The following FHIP2A variants were observed in gnomAD, a reference collection of about 807,000 sequenced individuals.
FHIP2A encodes the protein family with sequence similarity 160 member B1.
Under a neutral mutation model 93.5 loss-of-function variants are expected in FHIP2A, and 46 were observed. The ratio of observed to expected loss-of-function variants is 0.49; its 90% CI spans 0.39 to 0.63. The LOEUF is 0.63. Among genes scored for constraint, FHIP2A ranks in the 20% least tolerant of loss-of-function variants. The pLI is 0.00. For synonymous variants in FHIP2A, 332 were observed against 326.5 expected, an observed-to-expected ratio of 1.02 and a Z score of -0.18; for missense variants, 769 against 909.7, an observed-to-expected ratio of 0.85 and a Z score of 1.99.
chr10:114,854,406 C>A (rs983694864), intron 13 of FHIP2A, among the ~76,000 whole-genome samples: 1 of 151,906 alleles, frequency 6.6e-6, no homozygotes, highest in Non-Finnish European at 1.5e-5. Flanking sequence ...GCAGGAGAAT[C>A]GCTTGAACCT....
chr10:114,848,124 T>C (rs938541952), intron 12 of FHIP2A, among the ~76,000 whole-genome samples: 23 of 152,192 alleles, frequency 1.5e-4, no homozygotes, highest in Admixed American at 1.3e-4. Context: ...AAGTGCCCTT[T>C]TCTGTGGCAA....
At chr10:114,875,459 T>G (rs982891462) in intron 16 of FHIP2A, among the ~76,000 whole-genome samples, 2 of 151,962 alleles carry the variant, frequency 1.3e-5, no homozygotes, top group African/African-American at 4.8e-5. Flanking sequence ...TTTGGCAGGC[T>G]GGGGAAGGGT....
chr10:114,833,712 G>A (rs2083621555), intron 3 of FHIP2A, among the ~76,000 whole-genome samples: 2 of 152,130 alleles, frequency 1.3e-5, no homozygotes, highest in Admixed American at 6.5e-5. Flanking sequence ...AGTTAAAATA[G>A]GATTGAAAAA....
intron 16 of FHIP2A, among the ~76,000 whole-genome samples, chr10:114,870,565 T>G (rs972606512): frequency 6.6e-6 from 1 of 152,104 alleles, no homozygotes; most frequent in African/African-American, 2.4e-5. Context: ...CATAAAACAC[T>G]GTAATTGAGT....
In FHIP2A at chr10:114,850,700, CA is replaced by C. The variant is rs1264498811; in HGVS notation, c.1803+1969del. Among the ~76,000 whole-genome samples the C allele has an allele frequency of 3.3e-5, 5 of 151,710 alleles. No individual in the cohort carries two copies. The East Asian group carries it at 9.7e-4, about 29-fold the overall frequency. ...GGGCAACAGAGCAAGACCCTGTCTC[CA>C]AAAAATAAAAAAAATTCCTTTGCCT... On this transcript the variant is annotated intron_variant, in intron 13 of 16. Transcript: ENST00000369248.
intron 12 of FHIP2A, among the ~76,000 whole-genome samples, chr10:114,847,659 T>G (rs910679675): frequency 1.3e-5 from 2 of 152,138 alleles, no homozygotes; most frequent in Non-Finnish European, 1.5e-5. Context: ...ATGTAACAAG[T>G]GCCAGGCTGC....
At chr10:114,840,116 C>T (rs911112722) in intron 5 of FHIP2A, among the ~76,000 whole-genome samples, 5 of 151,932 alleles carry the variant, frequency 3.3e-5, no homozygotes, top group South Asian at 2.1e-4. Flanking sequence ...AGGCTGGGCG[C>T]GGTGATTCAC....
chr10:114,857,262 A>T (rs2083772173), intron 14 of FHIP2A, among the ~76,000 whole-genome samples: 1 of 150,598 alleles, frequency 6.6e-6, no homozygotes, highest in Admixed American at 6.6e-5. Context: ...TTTTGCCGGA[A>T]GTGATACTTG....
At chr10:114,892,385 G>A (rs927260278) in intron 16 of FHIP2A, among the ~76,000 whole-genome samples, 27 of 152,088 alleles carry the variant, frequency 1.8e-4, no homozygotes, top group African/African-American at 6.0e-4. Context: ...GGTGGCTCAC[G>A]CCTGTAATCC....
chr10:114,863,883 A>G lies in FHIP2A; in HGVS notation c.*2343A>G. On this transcript the variant is annotated 3_prime_UTR_variant, in exon 17 of 17. Coordinates refer to ENST00000369248, the MANE Select transcript of FHIP2A (RefSeq NM_020940.4). ...AGCCTTGCTTCACATTTGTATCAAT[A>G]AATATGCACATTTTTTAAAACTTTC... 1 of 1,085,892 alleles carries G rather than the reference A, an allele frequency of 9.2e-7. No homozygotes were observed. The highest frequency in any genetic ancestry group is 1.1e-6 in the Non-Finnish European group (1 of 886,690). The allele number at this position is 1,085,892 out of a possible 1,614,324, so 67.3% of individuals were successfully genotyped here. A position where few individuals can be genotyped will look rare whatever the true frequency, so the allele number is the denominator to read the frequency against.
At chr10:114,875,771 AAG>A (rs772438052) in intron 16 of FHIP2A, among the ~76,000 whole-genome samples, 97 of 151,374 alleles carry the variant, frequency 6.4e-4, no homozygotes, top group African/African-American at 1.7e-3. Flanking sequence ...AGAAAGAGAA[AAG>A]AGAGAGAGAA....
chr10:114,866,013 G>T (rs575752462), downstream of FHIP2A, among the ~76,000 whole-genome samples: 1 of 152,092 alleles, frequency 6.6e-6, no homozygotes, highest in South Asian at 2.1e-4. Context: ...TGCAGGATGT[G>T]CAGATTTGTT....
At chr10:114,868,195 G>T (rs763780848), downstream of FHIP2A, among the ~76,000 whole-genome samples, 1 of 151,962 alleles carries the variant, frequency 6.6e-6, no homozygotes, top group African/African-American at 2.4e-5. Flanking sequence ...CCCAACCCCC[G>T]GGCCACAGAC....
In FHIP2A at chr10:114,880,716, C is replaced by T. The variant is rs539950210; in HGVS notation, c.2193-18774C>T. 1.1e-4 allele frequency among the ~76,000 whole-genome samples: 17 copies of T among 151,612 alleles called. No individual in the cohort carries two copies. In the East Asian group the frequency reaches 3.1e-3, roughly 28 times the overall value. On this transcript the variant is annotated intron_variant, in intron 16 of 16. Transcript: ENST00000369250. ...ACACACACACACACACACACAGATT[C>T]CTGGGCCCCTTCCTAGGAATTCAAT...
chr10:114,856,370 A>G (rs2143012704), intron 14 of FHIP2A, among the ~76,000 whole-genome samples: 1 of 152,208 alleles, frequency 6.6e-6, no homozygotes, highest in Non-Finnish European at 1.5e-5. Context: ...AAACCTGACA[A>G]CCAAAGTATA....
chr10:114,866,137 C>T (rs1414273864), downstream of FHIP2A, among the ~76,000 whole-genome samples: 2 of 152,068 alleles, frequency 1.3e-5, no homozygotes, highest in Non-Finnish European at 2.9e-5. Context: ...CCACCCCGCC[C>T]CCAGCACAGG....
intron 16 of FHIP2A, among the ~76,000 whole-genome samples, chr10:114,895,561 C>T (rs555802992): frequency 1.8e-4 from 28 of 152,228 alleles, no homozygotes; most frequent in African/African-American, 6.0e-4. Flanking sequence ...CTGGAGTTTA[C>T]GTAGTGCCTT....
rs140699007 is a variant in FHIP2A, at chr10:114,860,874, C to T, written c.2073C>T (p.Phe691=). 2.9e-4 allele frequency: 469 copies of T among 1,613,598 alleles called. 5 individuals carry two copies. Among genetic ancestry groups the T allele is most frequent in the South Asian group, 1.7e-3 (153 of 91,066 alleles). Residue 691 remains phenylalanine (F), a synonymous_variant, in exon 15 of 17, where the codon TTC becomes TTT. Transcript: ENST00000369248. ...VNLAPGCRSL[F]SVIVRVVGDL... ...TCGCTCCTGGCTGTAGATCTCTCTTCTCTGTAATTGTCAGGGTGAGTTACT... is the reference window on the plus strand; with the variant it reads ...TCGCTCCTGGCTGTAGATCTCTCTTTTCTGTAATTGTCAGGGTGAGTTACT...
At chr10:114,889,481 C>G (rs2083959905) in intron 16 of FHIP2A, among the ~76,000 whole-genome samples, 1 of 152,188 alleles carries the variant, frequency 6.6e-6, no homozygotes, top group African/African-American at 2.4e-5. Flanking sequence ...CTGTGTTGCC[C>G]CTGCAGATGC....
Sources: gnomAD v4.1 joint callset for allele counts (sites outside exome capture counted in the v4.1 genomes callset) on GRCh38, gnomAD v4.1.1 for gene constraint, MANE v1.5 for transcripts, NCBI Gene and HGNC (gene_info 2026-07-23, HGNC 2026-07-21) for gene names.